Variants in DNAH7 observed in about 807,000 individuals in gnomAD.
The protein encoded by DNAH7 is dynein axonemal heavy chain 7, also known as axonemal beta dynein heavy chain 7.
A neutral mutation model predicts 444.6 loss-of-function variants in DNAH7; 397 were observed. That is an observed-to-expected ratio of 0.89 (90% CI 0.82 to 0.97). DNAH7 has a LOEUF of 0.97. DNAH7 is among the 50% of genes least tolerant of loss of function. The probability of loss-of-function intolerance (pLI) is 0.00; values close to 1 mark genes in which losing one functional copy is unlikely to be tolerated. For missense variants in DNAH7, 4,902 were observed against 4,800.8 expected (o/e 1.02, Z -0.62); for synonymous variants, 1,636 against 1,624.4 (o/e 1.01, Z -0.17).
chr2:195,985,936 C>T (rs929693419), intron 14 of DNAH7, among the ~76,000 whole-genome samples: 6 of 152,152 alleles, frequency 3.9e-5, no homozygotes, highest in African/African-American at 1.2e-4. Context: ...TCTTCCCTCA[C>T]GCTGTCTGTG....
Position 195,845,060 on chromosome 2 carries a change from A to G in DNAH7, c.8887T>C (p.Trp2963Arg). Residue 2963 changes from tryptophan (W) to arginine (R), a missense_variant, in exon 47 of 65, where the codon TGG becomes CGG. Trp to Arg is a moderately radical substitution (Grantham distance 101). Coordinates refer to ENST00000312428, the MANE Select transcript of DNAH7 (RefSeq NM_018897.3). ...TCAGAAGGTAATCCAGCAATATTCCAAGTTCGAATTGTCACAGCTTCTCCC... is the reference window on the plus strand; with the variant it reads ...TCAGAAGGTAATCCAGCAATATTCCGAGTTCGAATTGTCACAGCTTCTCCC... ...TLGEAVTIRT[W>R]NIAGLPSDSF... 1 of 1,613,904 alleles carries G rather than the reference A, an allele frequency of 6.2e-7. No individual in the cohort carries two copies. The highest frequency in any genetic ancestry group is 8.5e-7 in the Non-Finnish European group (1 of 1,179,904).
intron 53 of DNAH7, among the ~76,000 whole-genome samples, chr2:195,807,084 G>T (rs990482170): frequency 6.6e-6 from 1 of 151,872 alleles, no homozygotes; most frequent in Non-Finnish European, 1.5e-5. Flanking sequence ...CAGACAAAAT[G>T]ATCCCTATTA....
chr2:196,046,331 C>A (rs1318765711), intron 5 of DNAH7, among the ~76,000 whole-genome samples: 1 of 151,896 alleles, frequency 6.6e-6, no homozygotes, highest in Non-Finnish European at 1.5e-5. Context: ...AAAGCTGAAA[C>A]AAGATCTGCC....
chr2:195,871,739 G>A (rs1375623660), intron 40 of DNAH7, among the ~76,000 whole-genome samples: 2 of 83,876 alleles, frequency 2.4e-5, no homozygotes, highest in South Asian at 2.7e-4. Flanking sequence ...AGACCATCCC[G>A]GCTAAAACGG....
chr2:196,032,839 A>C (rs1280879992), intron 5 of DNAH7, among the ~76,000 whole-genome samples: 3 of 152,264 alleles, frequency 2.0e-5, no homozygotes, highest in African/African-American at 7.2e-5. Flanking sequence ...CATATCATTC[A>C]TGAATATAAA....
chr2:195,792,394 TACACACACAC>T (rs59046004), intron 57 of DNAH7, among the ~76,000 whole-genome samples: 410 of 117,334 alleles, frequency 3.5e-3, no homozygotes, highest in Non-Finnish European at 4.9e-3. Context: ...AACCAAAAAA[TACACACACAC>T]ACACACACAC....
intron 12 of DNAH7, among the ~76,000 whole-genome samples, chr2:195,989,721 G>C: frequency 6.6e-6 from 1 of 152,096 alleles, no homozygotes. Context: ...TTCTGCCCTT[G>C]CCATAGCAAA....
At chr2:195,975,849 T>C (rs1293891848) in intron 15 of DNAH7, among the ~76,000 whole-genome samples, 1 of 152,082 alleles carries the variant, frequency 6.6e-6, no homozygotes, top group Non-Finnish European at 1.5e-5. Flanking sequence ...AGGGATGCAG[T>C]CCTGGCACAA....
chr2:195,798,404 G>T (rs1220503608), intron 55 of DNAH7, among the ~76,000 whole-genome samples: 1 of 152,046 alleles, frequency 6.6e-6, no homozygotes, highest in East Asian at 1.9e-4. Flanking sequence ...GTACCAAATC[G>T]AAAAAATTCA....
intron 19 of DNAH7, among the ~76,000 whole-genome samples, chr2:195,950,854 A>AAAG (rs1380428408): frequency 1.7e-5 from 2 of 120,788 alleles, no homozygotes; most frequent in African/African-American, 8.1e-5. Flanking sequence ...TCTGTCTCAA[A>AAAG]AAAAAAAAAA....
intron 8 of DNAH7, 28 bp from the exon 9 acceptor site, chr2:196,019,323 AGTCTC>A (rs1267070428): frequency 6.9e-7 from 1 of 1,439,800 alleles, no homozygotes; most frequent in Admixed American, 2.2e-5. Context: ...ATTTAGTTAC[AGTCTC>A]AAAAAAAGTA....
chr2:195,784,247 T>C (rs866287996), intron 58 of DNAH7, among the ~76,000 whole-genome samples: 2 of 152,222 alleles, frequency 1.3e-5, no homozygotes, highest in South Asian at 4.1e-4. Context: ...ATCTGTGTTC[T>C]ACCTATTCAT....
intron 46 of DNAH7, among the ~76,000 whole-genome samples, chr2:195,848,628 C>T (rs1365833044): frequency 3.3e-5 from 5 of 152,250 alleles, no homozygotes; most frequent in African/African-American, 9.6e-5. Flanking sequence ...AGGCTGCACA[C>T]AGGGCCACAC....
Position 195,988,207 on chromosome 2 carries a change from G to T in DNAH7, c.1376C>A (p.Thr459Asn). 6.2e-7 allele frequency: 1 copy of T among 1,607,894 alleles called. No homozygotes were observed. The highest frequency in any genetic ancestry group is 8.5e-7 in the Non-Finnish European group (1 of 1,178,130). Residue 459 changes from threonine (T) to asparagine (N), a missense_variant, in exon 13 of 65, where the codon ACC (threonine) becomes AAC (asparagine). Transcript: ENST00000312428. ...TTCATTCAGAATTATGGGCTTCAAGGTTGTTGGTTTAGACTTACTTTCCTA... is the reference window on the plus strand; with the variant it reads ...TTCATTCAGAATTATGGGCTTCAAGTTTGTTGGTTTAGACTTACTTTCCTA... ...SKWESKSKPT[T>N]LKPIILNEIV...
At chr2:196,041,641 G>C (rs6434816) in intron 5 of DNAH7, among the ~76,000 whole-genome samples, 8,481 of 152,052 alleles carry the variant, frequency 0.056, 376 homozygotes, top group African/African-American at 0.13. Context: ...TCAGGAGATT[G>C]GTCTGGGCAA....
At chr2:195,919,763 G>A (rs1230237334) in intron 24 of DNAH7, among the ~76,000 whole-genome samples, 2 of 152,150 alleles carry the variant, frequency 1.3e-5, no homozygotes, top group Admixed American at 1.3e-4. Flanking sequence ...GACAAAACTA[G>A]GTATTTATAG....
chr2:195,835,484 G>T (rs987670129), intron 47 of DNAH7, among the ~76,000 whole-genome samples: 3 of 151,726 alleles, frequency 2.0e-5, no homozygotes, highest in Non-Finnish European at 4.4e-5. Flanking sequence ...GAACGTCAAT[G>T]GATGACTTGT....
At chr2:195,837,591 A>C (rs777642394) in intron 47 of DNAH7, among the ~76,000 whole-genome samples, 1 of 152,166 alleles carries the variant, frequency 6.6e-6, no homozygotes, top group South Asian at 2.1e-4. Context: ...AAAATAAGTA[A>C]CTGAAAAAAT....
In DNAH7 at chr2:195,975,421, C is replaced by A. The variant is rs191841403; in HGVS notation, c.1834-2955G>T. On this transcript the variant is annotated intron_variant, in intron 15 of 64. Transcript: ENST00000312428. ...AAATCACCCATTCCAGATGTTACAACCTGAGTTTTGGCAAACCTTGCCACC... is the reference window on the plus strand; with the variant it reads ...AAATCACCCATTCCAGATGTTACAAACTGAGTTTTGGCAAACCTTGCCACC... Among the ~76,000 whole-genome samples the A allele has an allele frequency of 3.9e-5, 6 of 152,288 alleles. No homozygotes were observed. The East Asian group carries it at 9.7e-4, about 25-fold the overall frequency.
Sources: allele counts gnomAD v4.1 joint callset (sites outside exome capture counted in the v4.1 genomes callset), GRCh38; gene constraint gnomAD v4.1.1; transcripts MANE v1.5; gene names NCBI Gene and HGNC (gene_info 2026-07-23, HGNC 2026-07-21).